INPP4A: variants seen among roughly 807,000 people sequenced by gnomAD.
INPP4A encodes inositol polyphosphate-4-phosphatase type I A, also known as inositol polyphosphate-4-phosphatase, type I, 107kD.
In INPP4A, 33 loss-of-function variants were observed where a neutral mutation model predicts 119.8. The observed-to-expected ratio is 0.28, with a 90% CI of 0.21 to 0.37. The LOEUF is 0.37. Among genes scored for constraint, INPP4A ranks in the 10% least tolerant of loss-of-function variants. The pLI is 1.00. For missense variants in INPP4A, 956 were observed against 1,289.9 expected (o/e 0.74, Z 3.97); for synonymous variants, 496 against 500.7 (o/e 0.99, Z 0.12).
At chr2:98,515,297 C>A (rs1322539936) in intron 1 of INPP4A, among the ~76,000 whole-genome samples, 1 of 152,202 alleles carries the variant, frequency 6.6e-6, no homozygotes, top group Non-Finnish European at 1.5e-5. Flanking sequence ...TTCTTAGAGG[C>A]TGCTGACTCA....
intron 1 of INPP4A, among the ~76,000 whole-genome samples, chr2:98,478,799 A>G (rs1677795216): frequency 6.6e-6 from 1 of 152,166 alleles, no homozygotes; most frequent in Admixed American, 6.5e-5. Flanking sequence ...GTTCTAGCTG[A>G]GCATGAATGC....
intron 17 of INPP4A, among the ~76,000 whole-genome samples, chr2:98,562,051 G>GT (rs1463587166): frequency 6.6e-6 from 1 of 152,242 alleles, no homozygotes; most frequent in Non-Finnish European, 1.5e-5. Flanking sequence ...GGCCTTGCCT[G>GT]TGGTCACCTC....
At chr2:98,521,467 A>G (rs1687179227) in intron 4 of INPP4A, 1 of 152,376 alleles carries the variant, frequency 6.6e-6, no homozygotes, top group East Asian at 1.9e-4. Flanking sequence ...AGCCCTGACC[A>G]TGCCAGGCTA....
chr2:98,449,403 A>T (rs1195558664), intron 1 of INPP4A, among the ~76,000 whole-genome samples: 1 of 152,214 alleles, frequency 6.6e-6, no homozygotes, highest in African/African-American at 2.4e-5. Context: ...AATAGATTAT[A>T]GTCCATTACT....
At chr2:98,522,327 A>G (rs1687378196) in intron 4 of INPP4A, among the ~76,000 whole-genome samples, 2 of 151,706 alleles carry the variant, frequency 1.3e-5, no homozygotes, top group Non-Finnish European at 2.9e-5. Flanking sequence ...TATAATTTGT[A>G]TACTCAAGAA....
intron 24 of INPP4A, among the ~76,000 whole-genome samples, chr2:98,583,189 A>G (rs1312987136): frequency 6.6e-6 from 1 of 152,182 alleles, no homozygotes; most frequent in African/African-American, 2.4e-5. Context: ...TGTTAAAGTT[A>G]TATACTTTTA....
intron 17 of INPP4A, 35 bp from the exon 18 acceptor site, chr2:98,563,430 C>G (rs770425057): frequency 1.3e-6 from 2 of 1,588,478 alleles, no homozygotes; most frequent in Non-Finnish European, 1.7e-6. Flanking sequence ...TAAAATCTCT[C>G]TCTCATTGTG....
rs17033007 is a variant in INPP4A, at chr2:98,530,098, A to G, written c.152-3279A>G. Reference sequence around the variant, plus strand: ...AAGACTCAAGAATATTCCAGCTGCCAGGCATCTCCTTATGAGACTAACAAA... The same window carrying G: ...AAGACTCAAGAATATTCCAGCTGCCGGGCATCTCCTTATGAGACTAACAAA... On this transcript the variant is annotated intron_variant, in intron 4 of 24. Coordinates refer to ENST00000409851, the MANE Select transcript of INPP4A (RefSeq NM_001134225.2). 2.4e-3 allele frequency among the ~76,000 whole-genome samples: 362 copies of G among 152,234 alleles called. 2 individuals carry two copies. The highest frequency in any genetic ancestry group is 8.3e-3 in the African/African-American group (346 of 41,542).
At chr2:98,571,341 T>C (rs1697402456) in intron 22 of INPP4A, among the ~76,000 whole-genome samples, 2 of 152,068 alleles carry the variant, frequency 1.3e-5, no homozygotes, top group African/African-American at 4.8e-5. Flanking sequence ...CTGACTGCTG[T>C]AGGGGAGAGG....
intron 1 of INPP4A, among the ~76,000 whole-genome samples, chr2:98,500,966 TAA>T (rs1288771190): frequency 1.3e-5 from 2 of 152,240 alleles, no homozygotes; most frequent in Non-Finnish European, 2.9e-5. Flanking sequence ...TATATATACT[TAA>T]ATACTTAGCT....
chr2:98,530,679 T>C (rs1689050706), intron 4 of INPP4A, among the ~76,000 whole-genome samples: 1 of 152,138 alleles, frequency 6.6e-6, no homozygotes, highest in Non-Finnish European at 1.5e-5. Context: ...ATTCTTAAAA[T>C]ATAGTGTTCA....
chr2:98,503,629 A>C (rs1683528391), intron 1 of INPP4A, among the ~76,000 whole-genome samples: 1 of 152,242 alleles, frequency 6.6e-6, no homozygotes. Context: ...GGCAGAGATC[A>C]CTTCTGATTC....
intron 24 of INPP4A, among the ~76,000 whole-genome samples, chr2:98,583,911 C>A (rs760078528): frequency 6.6e-6 from 1 of 152,194 alleles, no homozygotes; most frequent in Non-Finnish European, 1.5e-5. Context: ...AATGTAAGAC[C>A]ATCATGAGCA....
chr2:98,487,273 G>T (rs1257865778), intron 1 of INPP4A, among the ~76,000 whole-genome samples: 1 of 152,190 alleles, frequency 6.6e-6, no homozygotes, highest in East Asian at 1.9e-4. Context: ...ATTCTATCCA[G>T]GATACCATGT....
chr2:98,554,144 G>T lies in INPP4A; in HGVS notation c.1348-127G>T. 1 of 684,936 alleles carries T rather than the reference G, an allele frequency of 1.5e-6. No homozygotes were observed. The highest frequency in any genetic ancestry group is 1.8e-5 in the African/African-American group (1 of 55,618). 42.4% of individuals were successfully genotyped at this position (684,936 alleles called of 1,614,324 possible). ...AGGGATGTAGCCCTTCAGTTGCTTT[G>T]CACTGTGGAGAAAGGCAGAGGGGTG... On this transcript the variant is annotated intron_variant, in intron 14 of 24. Transcript: ENST00000409851. The surrounding 1 kb of genome is among the most constrained non-coding windows in gnomAD (Gnocchi z 4.7).
In INPP4A at chr2:98,553,775, G is replaced by C. The variant is rs144598498; in HGVS notation, c.1348-496G>C. Reference sequence around the variant, plus strand: ...CATTATGAACCACAGAACCCGTGTTGCATGCAGAATTCTCCAAAACCAGAC... The same window carrying C: ...CATTATGAACCACAGAACCCGTGTTCCATGCAGAATTCTCCAAAACCAGAC... On this transcript the variant is annotated intron_variant, in intron 14 of 24. Coordinates refer to ENST00000409851, the MANE Select transcript of INPP4A (RefSeq NM_001134225.2). Among the ~76,000 whole-genome samples, 1,163 of 152,362 alleles carry C rather than the reference G, an allele frequency of 7.6e-3. 9 individuals carry two copies. The highest frequency in any genetic ancestry group is 0.011 in the Non-Finnish European group (779 of 68,030).
chr2:98,544,838 A>C (rs1364542305), intron 11 of INPP4A, among the ~76,000 whole-genome samples: 1 of 152,236 alleles, frequency 6.6e-6, no homozygotes, highest in South Asian at 2.1e-4. Flanking sequence ...CAGGACTAAC[A>C]AGGAGGTGTT....
intron 19 of INPP4A, 110 bp downstream of exon 19, chr2:98,564,873 T>A (rs1696150591): frequency 7.6e-7 from 1 of 1,317,174 alleles, no homozygotes; most frequent in Non-Finnish European, 1.0e-6. Flanking sequence ...TTGAAATAAA[T>A]CCAAAATATA....
At chr2:98,528,670 C>A (rs1349895739) in intron 4 of INPP4A, among the ~76,000 whole-genome samples, 1 of 152,180 alleles carries the variant, frequency 6.6e-6, no homozygotes, top group Admixed American at 6.5e-5. Flanking sequence ...AGTGACTTAT[C>A]ATGTATAAGG....
Sources: gnomAD v4.1 joint callset for allele counts (sites outside exome capture counted in the v4.1 genomes callset) on GRCh38, gnomAD v4.1.1 for gene constraint, Gnocchi (gnomAD v3.1) non-coding constraint, MANE v1.5 for transcripts, NCBI Gene and HGNC (gene_info 2026-07-23, HGNC 2026-07-21) for gene names.